Variants in TMEM178A observed in about 807,000 individuals in gnomAD.
The protein encoded by TMEM178A is transmembrane protein 178A.
Under a neutral mutation model 29.1 loss-of-function variants are expected in TMEM178A, and 12 were observed. That is an observed-to-expected ratio of 0.41 (90% confidence interval 0.26 to 0.67). The LOEUF (loss-of-function observed/expected upper bound fraction) is 0.67, where lower values mean the gene tolerates loss of function less well. Ranked by LOEUF, TMEM178A falls within the 30% of genes least tolerant of loss-of-function variation. The pLI is 0.29. For synonymous variants in TMEM178A, 210 were observed against 187.2 expected, an observed-to-expected ratio of 1.12 and a Z score of -0.99; for missense variants, 366 against 419.1, an observed-to-expected ratio of 0.87 and a Z score of 1.11.
chr2:39,732,550 T>C, the TMEM178A span, among the ~76,000 whole-genome samples: 3,205 of 152,262 alleles, frequency 0.021, 115 homozygotes, highest in African/African-American at 0.073. Flanking sequence ...TAGTGTCCCA[T>C]GGTCAAGCCC....
the TMEM178A span, among the ~76,000 whole-genome samples, chr2:39,725,201 G>A: frequency 6.6e-6 from 1 of 152,164 alleles, no homozygotes; most frequent in African/African-American, 2.4e-5. Context: ...TGGGACGGGT[G>A]AGTGGCCCTC....
chr2:39,704,019 A>G, intron 1 of TMEM178A, 62 bp from the exon 2 acceptor site: 2 of 1,405,242 alleles, frequency 1.4e-6, no homozygotes, highest in Non-Finnish European at 2.0e-6. Flanking sequence ...ATTCTGCCTC[A>G]GGTCTCAGAA....
At chr2:39,693,758 A>G (rs1671423965) in intron 1 of TMEM178A, among the ~76,000 whole-genome samples, 1 of 152,224 alleles carries the variant, frequency 6.6e-6, no homozygotes, top group African/African-American at 2.4e-5. Context: ...CTGTATGCCA[A>G]GATGGTTCTG....
intron 3 of TMEM178A, 36 bp downstream of exon 3, chr2:39,707,222 A>C: frequency 6.4e-7 from 1 of 1,574,398 alleles, no homozygotes; most frequent in Non-Finnish European, 8.6e-7. Flanking sequence ...GTCCCAGCCA[A>C]GGTGAAGGCT....
chr2:39,672,562 G>A, intron 1 of TMEM178A, among the ~76,000 whole-genome samples: 1 of 151,930 alleles, frequency 6.6e-6, no homozygotes, highest in East Asian at 1.9e-4. Context: ...TGCTCTGTCT[G>A]TCACTCAGGC....
At chr2:39,667,806 C>G (rs1158843157) in intron 1 of TMEM178A, among the ~76,000 whole-genome samples, 5 of 152,200 alleles carry the variant, frequency 3.3e-5, no homozygotes, top group Non-Finnish European at 7.3e-5. Context: ...TTTCTTTTCT[C>G]TCCTAACTTG....
chr2:39,722,674 A>G (rs1239142190), downstream of TMEM178A, among the ~76,000 whole-genome samples: 1 of 152,208 alleles, frequency 6.6e-6, no homozygotes, highest in African/African-American at 2.4e-5. Context: ...CCCAGTTTAA[A>G]TCACAGCAGA....
chr2:39,669,447 T>C (rs769016422), intron 1 of TMEM178A, among the ~76,000 whole-genome samples: 2 of 152,218 alleles, frequency 1.3e-5, no homozygotes, highest in Non-Finnish European at 2.9e-5. Context: ...TCTATAATAT[T>C]AGTCTACTTA....
intron 1 of TMEM178A, among the ~76,000 whole-genome samples, chr2:39,685,759 T>C (rs1671049795): frequency 6.6e-6 from 1 of 152,214 alleles, no homozygotes. Flanking sequence ...CTCAGAGACT[T>C]TCTCTGCTGC....
At chr2:39,710,447 A>T (rs990035626) in intron 3 of TMEM178A, among the ~76,000 whole-genome samples, 6 of 152,208 alleles carry the variant, frequency 3.9e-5, no homozygotes, top group Non-Finnish European at 8.8e-5. Context: ...TCACTGTAAA[A>T]AAACAAGAAA....
At chr2:39,714,636 A>G (rs1415470508) in intron 3 of TMEM178A, among the ~76,000 whole-genome samples, 1 of 152,204 alleles carries the variant, frequency 6.6e-6, no homozygotes, top group African/African-American at 2.4e-5. Context: ...GAAAAGCACA[A>G]ACATCCATGA....
chr2:39,668,720 T>C (rs1473095010), intron 1 of TMEM178A, among the ~76,000 whole-genome samples: 1 of 152,220 alleles, frequency 6.6e-6, no homozygotes, highest in Non-Finnish European at 1.5e-5. Context: ...TTGGGAGATG[T>C]CCAGAAATGC....
chr2:39,692,559 A>G (rs1000890953), intron 1 of TMEM178A, among the ~76,000 whole-genome samples: 2 of 152,074 alleles, frequency 1.3e-5, no homozygotes, highest in Admixed American at 1.3e-4. Flanking sequence ...TTTTTCTCCT[A>G]AATGTTGGAG....
chr2:39,730,677 G>A, the TMEM178A span, among the ~76,000 whole-genome samples: 1 of 152,166 alleles, frequency 6.6e-6, no homozygotes, highest in Non-Finnish European at 1.5e-5. Flanking sequence ...CCAATGGATG[G>A]TATGGAATAT....
intron 1 of TMEM178A, among the ~76,000 whole-genome samples, chr2:39,682,638 C>G (rs572243056): frequency 4.3e-4 from 66 of 152,270 alleles, no homozygotes; most frequent in Non-Finnish European, 8.5e-4. Context: ...ATTATTGCCA[C>G]TGCCTGGGGC....
chr2:39,725,097 C>T, the TMEM178A span, among the ~76,000 whole-genome samples: 1 of 151,998 alleles, frequency 6.6e-6, no homozygotes, highest in African/African-American at 2.4e-5. Flanking sequence ...AGAGTGTTCA[C>T]AGGAGTAGGG....
the TMEM178A span, among the ~76,000 whole-genome samples, chr2:39,727,225 G>C: frequency 1.3e-5 from 2 of 152,296 alleles, no homozygotes; most frequent in African/African-American, 2.4e-5. Flanking sequence ...TGTCACAGCA[G>C]CCATTCAGGC....
At chr2:39,671,881 A>G (rs1236501326) in intron 1 of TMEM178A, among the ~76,000 whole-genome samples, 2 of 152,216 alleles carry the variant, frequency 1.3e-5, no homozygotes, top group African/African-American at 2.4e-5. Context: ...GCTGAAATTC[A>G]TGGCGGGTAT....
At chr2:39,682,115 G>A (rs1176907174) in intron 1 of TMEM178A, among the ~76,000 whole-genome samples, 1 of 152,170 alleles carries the variant, frequency 6.6e-6, no homozygotes, top group African/African-American at 2.4e-5. Context: ...CTTACTTGGA[G>A]CATCAGGAAG....
Sources: gnomAD v4.1 joint callset for allele counts (sites outside exome capture counted in the v4.1 genomes callset) on GRCh38, gnomAD v4.1.1 for gene constraint, MANE v1.5 for transcripts, NCBI Gene and HGNC (gene_info 2026-07-23, HGNC 2026-07-21) for gene names.